Variants in TRAK1 observed in about 807,000 individuals in gnomAD.
TRAK1 encodes trafficking kinesin protein 1, also known as trafficking kinesin-binding protein 1.
A neutral mutation model predicts 92.1 loss-of-function variants in TRAK1; 33 were observed. The observed-to-expected ratio is 0.36, with a 90% CI of 0.27 to 0.48. The LOEUF is 0.48. TRAK1 is among the 20% of genes least tolerant of loss of function. TRAK1 has a pLI of 0.99. For missense variants in TRAK1, 1,123 were observed against 1,257.9 expected (o/e 0.89, Z 1.62); for synonymous variants, 521 against 517.3 (o/e 1.01, Z -0.10).
intron 1 of TRAK1, among the ~76,000 whole-genome samples, chr3:42,031,307 G>A (rs1702138107): frequency 6.6e-6 from 1 of 151,666 alleles, no homozygotes; most frequent in Admixed American, 6.6e-5. Flanking sequence ...AAAGTGCTGG[G>A]ATTACAGGCG....
At chr3:42,065,586 TAC>T (rs1325283284) in intron 1 of TRAK1, among the ~76,000 whole-genome samples, 1 of 152,104 alleles carries the variant, frequency 6.6e-6, no homozygotes, top group African/African-American at 2.4e-5. Context: ...GAATAGCCTT[TAC>T]CCAACATAAT....
At chr3:42,217,789 G>C in intron 14 of TRAK1, 5 of 984,992 alleles carry the variant, frequency 5.1e-6, no homozygotes, top group Non-Finnish European at 6.0e-6. Context: ...TGTTATTTTT[G>C]TTTCTAGACC....
At chr3:42,222,830 C>G (rs1308004371) in intron 15 of TRAK1, 112 bp from the exon 16 acceptor site, 2 of 1,138,708 alleles carry the variant, frequency 1.8e-6, no homozygotes, top group Non-Finnish European at 2.5e-6. Flanking sequence ...TGGTGGAACC[C>G]TCTCATCGTG....
intron 1 of TRAK1, among the ~76,000 whole-genome samples, chr3:42,045,871 G>A (rs138565215): frequency 1.3e-5 from 2 of 152,314 alleles, no homozygotes; most frequent in Admixed American, 1.3e-4. Flanking sequence ...GCTGTGTTTA[G>A]TAAATTGAAA....
chr3:42,055,953 C>CT (rs1332302054), intron 1 of TRAK1, among the ~76,000 whole-genome samples: 2 of 152,120 alleles, frequency 1.3e-5, no homozygotes, highest in South Asian at 4.1e-4. Context: ...TTGTGACTGG[C>CT]TTTTTTCACT....
At chr3:42,179,203 G>C (rs979244470) in intron 3 of TRAK1, among the ~76,000 whole-genome samples, 3 of 152,184 alleles carry the variant, frequency 2.0e-5, no homozygotes. Flanking sequence ...TTCCTGTCCT[G>C]ATAAGATTCA....
At chr3:42,172,769 G>A (rs761304918) in intron 2 of TRAK1, among the ~76,000 whole-genome samples, 3 of 152,288 alleles carry the variant, frequency 2.0e-5, no homozygotes, top group East Asian at 3.9e-4. Context: ...GAGGTGAGGC[G>A]TGTGTATTTT....
chr3:42,136,916 C>T, intron 2 of TRAK1, among the ~76,000 whole-genome samples: 1 of 152,126 alleles, frequency 6.6e-6, no homozygotes, highest in East Asian at 1.9e-4. Flanking sequence ...CTCCTGACCT[C>T]AGGTGATCCA....
intron 1 of TRAK1, among the ~76,000 whole-genome samples, chr3:42,106,479 C>G (rs1202018817): frequency 2.0e-5 from 3 of 152,118 alleles, no homozygotes; most frequent in Non-Finnish European, 2.9e-5. Context: ...GAGTTTGAGA[C>G]CAGCCTGGGC....
chr3:42,218,839 G>T, intron 14 of TRAK1: 1 of 985,422 alleles, frequency 1.0e-6, no homozygotes, highest in South Asian at 4.7e-5. Context: ...ACTGCTGTGT[G>T]TCAGACCAGA....
intron 2 of TRAK1, among the ~76,000 whole-genome samples, chr3:42,131,609 T>C (rs576827745): frequency 0.12 from 18,827 of 151,428 alleles, 1,566 homozygotes; most frequent in African/African-American, 0.23. Flanking sequence ...CCCAGCTAAC[T>C]TGGGAGGCTG....
In TRAK1 at chr3:42,018,586, G is replaced by A. The variant is rs577787533; in HGVS notation, c.-519+4469G>A. On this transcript the variant is annotated intron_variant, in intron 1 of 16. Transcript: ENST00000487159. ...TTTAAAAATCTTTTTTTTCTTTTAA[G>A]AAGTAGGAGAAAATAACTGTGAACA... is the stretch of plus-strand genomic sequence containing the variant. Among the ~76,000 whole-genome samples the A allele has an allele frequency of 3.9e-5, 6 of 152,176 alleles. No homozygotes were observed. The South Asian group carries it at 8.3e-4, about 21-fold the overall frequency.
chr3:42,036,620 C>T (rs1702334966), intron 1 of TRAK1, among the ~76,000 whole-genome samples: 1 of 152,188 alleles, frequency 6.6e-6, no homozygotes, highest in South Asian at 2.1e-4. Context: ...ATGAGATAGC[C>T]GTGACTGTTC....
At position 42,223,845 on chromosome 3, in the gene TRAK1, TCCA is replaced by T; in HGVS notation, c.*111_*113del. On this transcript the variant is annotated 3_prime_UTR_variant, in exon 16 of 16. Coordinates refer to ENST00000327628, the MANE Select transcript of TRAK1 (RefSeq NM_001042646.3). The surrounding 1 kb of genome is among the most constrained non-coding windows in gnomAD (Gnocchi z 6.1). ...CACTCCCTCCCTCTGCCCTTCTCTG[TCCA>T]CCCCCTCCTAAGCTAGACAAATCAA... 1 of 1,257,356 alleles carries T rather than the reference TCCA, an allele frequency of 8.0e-7. No homozygotes were observed. The highest frequency in any genetic ancestry group is 1.5e-5 in the South Asian group (1 of 68,906). 77.9% of individuals were successfully genotyped at this position (1,257,356 alleles called of 1,614,324 possible). A position where few individuals can be genotyped will look rare whatever the true frequency, so the allele number is the denominator to read the frequency against.
At chr3:42,058,624 A>G (rs1703295841) in intron 1 of TRAK1, among the ~76,000 whole-genome samples, 2 of 151,928 alleles carry the variant, frequency 1.3e-5, no homozygotes, top group Non-Finnish European at 2.9e-5. Context: ...GATTACAGGC[A>G]TGAGCCACCA....
intron 1 of TRAK1, among the ~76,000 whole-genome samples, chr3:42,110,891 C>A (rs1708307018): frequency 6.6e-6 from 1 of 152,200 alleles, no homozygotes; most frequent in Admixed American, 6.5e-5. Flanking sequence ...TTCCATCCTG[C>A]AGCATTTATT....
At chr3:42,210,998 C>G in intron 14 of TRAK1, 2 of 985,490 alleles carry the variant, frequency 2.0e-6, no homozygotes, top group Non-Finnish European at 2.4e-6. Context: ...TCTGTCTAGA[C>G]TGGACCTCCC....
In TRAK1 at chr3:42,176,903, G is replaced by A. The variant is rs200724655; in HGVS notation, c.363+13G>A. On this transcript the variant is annotated intron_variant, in intron 3 of 15. Coordinates refer to ENST00000327628, the MANE Select transcript of TRAK1 (RefSeq NM_001042646.3). Reference sequence around the variant, plus strand: ...GCTTCTTGAGGAGGTAAGTGCTCCAGGGGAAGGCAAAAGAGTTGTTTATAA... The same window carrying A: ...GCTTCTTGAGGAGGTAAGTGCTCCAAGGGAAGGCAAAAGAGTTGTTTATAA... 6.9e-5 allele frequency: 112 copies of A among 1,612,818 alleles called. No individual in the cohort carries two copies. The highest frequency in any genetic ancestry group is 8.2e-5 in the Non-Finnish European group (97 of 1,178,994).
intron 1 of TRAK1, among the ~76,000 whole-genome samples, chr3:42,109,324 C>G (rs1036404284): frequency 6.6e-6 from 1 of 152,122 alleles, no homozygotes; most frequent in Non-Finnish European, 1.5e-5. Flanking sequence ...CAATAAAATC[C>G]AGATGGTTCA....
Sources: allele counts gnomAD v4.1 joint callset (sites outside exome capture counted in the v4.1 genomes callset), GRCh38; gene constraint gnomAD v4.1.1; non-coding constraint Gnocchi (gnomAD v3.1); transcripts MANE v1.5; gene names NCBI Gene and HGNC (gene_info 2026-07-23, HGNC 2026-07-21).